The following CDK14 variants were observed in gnomAD, a reference collection of about 807,000 sequenced individuals.
The protein encoded by CDK14 is cyclin-dependent kinase 14.
CDK14 carries 34 observed loss-of-function variants against 60.7 expected under a neutral mutation model. The ratio of observed to expected loss-of-function variants is 0.56; its 90% confidence interval spans 0.43 to 0.75. The LOEUF is 0.75. CDK14 is among the 30% of genes least tolerant of loss of function. CDK14 has a pLI of 0.00. For synonymous variants in CDK14, 197 were observed against 203.7 expected (o/e 0.97, Z 0.28); for missense variants, 482 against 564.1 (o/e 0.85, Z 1.47).
intron 3 of CDK14, among the ~76,000 whole-genome samples, chr7:90,746,006 T>G (rs73218861): frequency 0.052 from 7,845 of 152,276 alleles, 219 homozygotes; most frequent in South Asian, 0.08. Flanking sequence ...TACCACACTC[T>G]AAGCTGTCTC....
intron 11 of CDK14, among the ~76,000 whole-genome samples, chr7:91,074,560 A>G (rs989902834): frequency 6.6e-6 from 1 of 152,244 alleles, no homozygotes; most frequent in African/African-American, 2.4e-5. Flanking sequence ...AAGAGCTCAA[A>G]TCGACACCCA....
chr7:90,912,989 T>TTTA (rs1161735262), intron 7 of CDK14, among the ~76,000 whole-genome samples: 9 of 152,174 alleles, frequency 5.9e-5, no homozygotes, highest in Non-Finnish European at 1.2e-4. Flanking sequence ...TTCTTTTCTT[T>TTTA]TTAGTGCCTG....
At chr7:90,631,984 A>G (rs572146728) in intron 2 of CDK14, 1 of 152,382 alleles carries the variant, frequency 6.6e-6, no homozygotes, top group Admixed American at 6.5e-5. Flanking sequence ...TTAGTAGACC[A>G]AAAATGCTTC....
At chr7:91,182,687 C>A (rs188462875) in intron 14 of CDK14, among the ~76,000 whole-genome samples, 1 of 152,028 alleles carries the variant, frequency 6.6e-6, no homozygotes, top group Non-Finnish European at 1.5e-5. Flanking sequence ...CTCTTTATAC[C>A]ACTATATGCA....
chr7:91,039,584 T>C (rs1203576547), intron 10 of CDK14, among the ~76,000 whole-genome samples: 1 of 152,222 alleles, frequency 6.6e-6, no homozygotes, highest in East Asian at 1.9e-4. Context: ...TTGCCTACTC[T>C]AGAAGTTATC....
chr7:90,733,285 T>C (rs1802947804), intron 3 of CDK14, among the ~76,000 whole-genome samples: 1 of 152,186 alleles, frequency 6.6e-6, no homozygotes, highest in African/African-American at 2.4e-5. Context: ...GTATGTGTGA[T>C]GTGGTGCTGA....
intron 10 of CDK14, among the ~76,000 whole-genome samples, chr7:91,008,142 AAAAC>A (rs1257873852): frequency 2.8e-5 from 4 of 141,408 alleles, no homozygotes; most frequent in African/African-American, 8.0e-5. Flanking sequence ...AAAAAAAAAA[AAAAC>A]AAACAAAAAA....
At chr7:91,203,537 T>C (rs770168098) in intron 14 of CDK14, among the ~76,000 whole-genome samples, 13 of 152,110 alleles carry the variant, frequency 8.5e-5, no homozygotes, top group Non-Finnish European at 1.8e-4. Flanking sequence ...GGGTACCAGG[T>C]CTCCATTCTG....
At chr7:90,833,193 T>C (rs1562791098) in intron 5 of CDK14, among the ~76,000 whole-genome samples, 2 of 152,212 alleles carry the variant, frequency 1.3e-5, no homozygotes, top group South Asian at 4.1e-4. Context: ...TGCTTCCAAC[T>C]ATTAGTTGAT....
At chr7:90,715,921 T>A (rs977952024) in intron 2 of CDK14, among the ~76,000 whole-genome samples, 1 of 151,854 alleles carries the variant, frequency 6.6e-6, no homozygotes, top group Admixed American at 6.6e-5. Context: ...CCTTTGGCTA[T>A]AAATGTTTTG....
At chr7:90,733,925 A>G (rs1802978157) in intron 3 of CDK14, among the ~76,000 whole-genome samples, 1 of 152,154 alleles carries the variant, frequency 6.6e-6, no homozygotes, top group Non-Finnish European at 1.5e-5. Flanking sequence ...ACAATTTGGT[A>G]TGTTTTTACT....
At chr7:91,026,659 C>G (rs763104829) in intron 10 of CDK14, among the ~76,000 whole-genome samples, 1 of 152,212 alleles carries the variant, frequency 6.6e-6, no homozygotes, top group Non-Finnish European at 1.5e-5. Context: ...CCCTCCCTCA[C>G]CAGTCACCAT....
In CDK14 at chr7:90,614,601, T is replaced by C. The variant is rs75274087; in HGVS notation, c.123+10352T>C. Among the ~76,000 whole-genome samples, 314 of 152,076 alleles carry C rather than the reference T, an allele frequency of 2.1e-3. 11 individuals are homozygous for C. In the East Asian group the frequency reaches 0.054, roughly 26 times the overall value. ...AACTTAGTTTTCTTAAATTTCTTTTTAAAATTAATTTTTTTAAAAAAATAA... is the reference window on the plus strand; with the variant it reads ...AACTTAGTTTTCTTAAATTTCTTTTCAAAATTAATTTTTTTAAAAAAATAA... On this transcript the variant is annotated intron_variant, in intron 2 of 14. Transcript: ENST00000380050.
intron 9 of CDK14, among the ~76,000 whole-genome samples, chr7:90,959,625 T>C (rs1794538620): frequency 6.6e-6 from 1 of 152,126 alleles, no homozygotes; most frequent in South Asian, 2.1e-4. Flanking sequence ...AACTAAAAAC[T>C]AATGATCCCT....
chr7:91,131,469 A>G (rs1188389432), intron 14 of CDK14, among the ~76,000 whole-genome samples: 1 of 152,182 alleles, frequency 6.6e-6, no homozygotes, highest in Non-Finnish European at 1.5e-5. Context: ...ACAGGTTCTC[A>G]GTCAAATGGA....
At chr7:90,600,174 T>C (rs537767223) in intron 1 of CDK14, among the ~76,000 whole-genome samples, 29 of 152,356 alleles carry the variant, frequency 1.9e-4, no homozygotes, top group African/African-American at 7.0e-4. Flanking sequence ...TATGGTTTTC[T>C]ACTAAATAGT....
intron 11 of CDK14, among the ~76,000 whole-genome samples, chr7:91,064,786 G>A (rs1330078932): frequency 2.0e-5 from 3 of 152,184 alleles, no homozygotes; most frequent in African/African-American, 4.8e-5. Context: ...GGATTTGGAA[G>A]GGGAAGGGGA....
intron 7 of CDK14, among the ~76,000 whole-genome samples, chr7:90,914,652 C>T (rs141568861): frequency 0.015 from 2,263 of 152,178 alleles, 26 homozygotes; most frequent in Middle Eastern, 0.085. Context: ...GCATTTTTTT[C>T]TCTAGTACTG....
At chr7:90,909,574 C>G (rs1792824105) in intron 7 of CDK14, among the ~76,000 whole-genome samples, 1 of 151,988 alleles carries the variant, frequency 6.6e-6, no homozygotes, top group African/African-American at 2.4e-5. Context: ...TATAAGTCTC[C>G]TAGCTCTAGA....
Sources: allele counts gnomAD v4.1 joint callset (sites outside exome capture counted in the v4.1 genomes callset), GRCh38; gene constraint gnomAD v4.1.1; transcripts MANE v1.5; gene names NCBI Gene and HGNC (gene_info 2026-07-23, HGNC 2026-07-21).